The following SLC15A1 variants were observed in gnomAD, a reference collection of about 807,000 sequenced individuals.
SLC15A1 encodes the protein Caco-2 oligopeptide transporter.
SLC15A1 carries 83 observed loss-of-function variants against 92.9 expected under a neutral mutation model. The observed-to-expected ratio is 0.89, with a 90% confidence interval of 0.75 to 1.07. SLC15A1 has a LOEUF of 1.07. SLC15A1 is among the 50% of genes least tolerant of loss of function. The pLI, the probability that SLC15A1 is intolerant of heterozygous loss-of-function variation, is 0.00. For synonymous variants in SLC15A1, 322 were observed against 318.2 expected (o/e 1.01, Z -0.13); for missense variants, 857 against 880.1 (o/e 0.97, Z 0.33).
At chr13:98,717,346 C>A (rs2088218267) in intron 8 of SLC15A1, among the ~76,000 whole-genome samples, 1 of 152,126 alleles carries the variant, frequency 6.6e-6, no homozygotes, top group South Asian at 2.1e-4. Context: ...TTTTCTTTTA[C>A]CACTAATATT....
At chr13:98,686,341 T>A (rs1357263659) in intron 21 of SLC15A1, 44 bp from the exon 22 acceptor site, 4 of 1,366,638 alleles carry the variant, frequency 2.9e-6, no homozygotes, top group Non-Finnish European at 4.1e-6. Context: ...GGTCTCACCC[T>A]CCGAGCAGGA....
At chr13:98,722,643 T>C (rs1379978537) in intron 5 of SLC15A1, among the ~76,000 whole-genome samples, 1 of 152,194 alleles carries the variant, frequency 6.6e-6, no homozygotes, top group Non-Finnish European at 1.5e-5. Flanking sequence ...ACAGATAAAG[T>C]CAAGGAAAAT....
At chr13:98,730,699 C>A (rs890002084) in intron 1 of SLC15A1, among the ~76,000 whole-genome samples, 10 of 152,248 alleles carry the variant, frequency 6.6e-5, no homozygotes, top group Non-Finnish European at 1.2e-4. Context: ...GGGTCCTCAG[C>A]GCCTCCGCGC....
chr13:98,695,184 A>G (rs1013874120), intron 18 of SLC15A1, among the ~76,000 whole-genome samples: 3 of 152,240 alleles, frequency 2.0e-5, no homozygotes, highest in African/African-American at 4.8e-5. Flanking sequence ...GTTTATAGAC[A>G]TATACATACG....
chr13:98,718,066 T>A (rs1419512700), intron 8 of SLC15A1, among the ~76,000 whole-genome samples: 1 of 151,874 alleles, frequency 6.6e-6, no homozygotes, highest in Non-Finnish European at 1.5e-5. Flanking sequence ...GAGGTGATAC[T>A]AGTTTGGTGC....
intron 1 of SLC15A1, among the ~76,000 whole-genome samples, chr13:98,747,295 C>A (rs571472726): frequency 1.3e-5 from 2 of 152,120 alleles, no homozygotes; most frequent in African/African-American, 2.4e-5. Context: ...ATTTCCTTAT[C>A]GGCTCACCTG....
intron 4 of SLC15A1, among the ~76,000 whole-genome samples, chr13:98,725,862 G>A (rs1566454325): frequency 6.6e-6 from 1 of 152,072 alleles, no homozygotes; most frequent in East Asian, 1.9e-4. Context: ...GCTAGCTGGG[G>A]CCACAGGTGT....
chr13:98,750,619 G>A (rs1019493471), intron 1 of SLC15A1, among the ~76,000 whole-genome samples: 1 of 152,136 alleles, frequency 6.6e-6, no homozygotes, highest in African/African-American at 2.4e-5. Flanking sequence ...CAAAGTCAGA[G>A]GCAGGAGGTA....
chr13:98,693,087 G>GTTT lies in SLC15A1; in HGVS notation c.1467-4513_1467-4511dup, dbSNP rs55817470. On this transcript the variant is annotated intron_variant, in intron 18 of 22. Transcript: ENST00000376503. ...CTTAACAACACTTGTTATTGTCTAC[G>GTTT]TTTTTTTTTTTTTTTTTTTTTTTTT... 4.0e-4 allele frequency among the ~76,000 whole-genome samples: 23 copies of GTTT among 58,046 alleles called. 4 individuals carry two copies. Among genetic ancestry groups the GTTT allele is most frequent in the African/African-American group, 1.4e-3 (19 of 13,526 alleles). The allele number at this position is 58,046 out of a possible 152,430, so 38.1% of individuals were successfully genotyped here.
chr13:98,695,046 T>C (rs111724446), intron 18 of SLC15A1, among the ~76,000 whole-genome samples: 2,753 of 141,702 alleles, frequency 0.019, 40 homozygotes, highest in Middle Eastern at 0.061. Context: ...AAAAAAGAGA[T>C]GCATATATCA....
chr13:98,709,785 A>C lies in SLC15A1; in HGVS notation c.946-11T>G, dbSNP rs766406468. ...AATTTCAAGAGCTCCCTAAAAAGAGAGGAAAACAATCTCAGTGAAAAATGT... is the reference window on the plus strand; with the variant it reads ...AATTTCAAGAGCTCCCTAAAAAGAGCGGAAAACAATCTCAGTGAAAAATGT... On this transcript the variant is annotated splice_polypyrimidine_tract_variant and intron_variant, in intron 12 of 22. Coordinates refer to ENST00000376503, the MANE Select transcript of SLC15A1 (RefSeq NM_005073.4). 1.2e-5 allele frequency: 19 copies of C among 1,614,210 alleles called. No homozygotes were observed. The highest frequency in any genetic ancestry group is 1.6e-5 in the Non-Finnish European group (19 of 1,180,040).
intron 1 of SLC15A1, among the ~76,000 whole-genome samples, chr13:98,728,372 T>G (rs2088319626): frequency 6.6e-6 from 1 of 152,210 alleles, no homozygotes; most frequent in South Asian, 2.1e-4. Flanking sequence ...TTTTTTCTAT[T>G]TCTATGAAAG....
rs532286337 is a variant in SLC15A1 at position 98,718,300 on chromosome 13, C to CTT, written c.640+935_640+936dup. Among the ~76,000 whole-genome samples the CTT allele has an allele frequency of 1.1e-3, 93 of 84,126 alleles. 9 individuals carry two copies. Among genetic ancestry groups the CTT allele is most frequent in the East Asian group, 5.5e-3 (8 of 1,450 alleles). 55.2% of individuals were successfully genotyped at this position (84,126 alleles called of 152,430 possible). ...ATCCAGCAGATTCTATCACCTTCAT[C>CTT]TTTTTTTTTTTTTTTTTTTTTTTTT... On this transcript the variant is annotated intron_variant, in intron 8 of 22. Transcript: ENST00000376503.
At chr13:98,711,136 A>G (rs1201651639) in intron 11 of SLC15A1, among the ~76,000 whole-genome samples, 2 of 152,118 alleles carry the variant, frequency 1.3e-5, no homozygotes, top group African/African-American at 2.4e-5. Context: ...CCCTATCACC[A>G]TCCTCCCTGC....
intron 10 of SLC15A1, among the ~76,000 whole-genome samples, 168 bp downstream of exon 10, chr13:98,712,330 T>C (rs1403882460): frequency 6.6e-6 from 1 of 151,668 alleles, no homozygotes; most frequent in Non-Finnish European, 1.5e-5. Flanking sequence ...ATTTATCAAG[T>C]TCTTTCAATT....
At chr13:98,714,059 G>GA (rs56096468) in intron 9 of SLC15A1, among the ~76,000 whole-genome samples, 63,193 of 134,178 alleles carry the variant, frequency 0.47, 15,263 homozygotes, top group Non-Finnish European at 0.59. Flanking sequence ...TCTCAAAAAG[G>GA]AAAAAAAAAA....
At chr13:98,731,888 G>A (rs1331913699) in intron 1 of SLC15A1, among the ~76,000 whole-genome samples, 1 of 152,148 alleles carries the variant, frequency 6.6e-6, no homozygotes, top group African/African-American at 2.4e-5. Flanking sequence ...GTGTAAATCT[G>A]AGACTCAGTA....
chr13:98,744,554 G>A (rs1347923534), intron 1 of SLC15A1, among the ~76,000 whole-genome samples: 1 of 151,646 alleles, frequency 6.6e-6, no homozygotes, highest in Non-Finnish European at 1.5e-5. Context: ...ATCAAGATCA[G>A]CCTGGCCAAG....
chr13:98,720,237 T>C (rs945980869), intron 7 of SLC15A1, among the ~76,000 whole-genome samples: 2 of 152,254 alleles, frequency 1.3e-5, no homozygotes, highest in African/African-American at 2.4e-5. Context: ...AACTGATTAA[T>C]TATCAACTAA....
Sources: gnomAD v4.1 joint callset for allele counts (sites outside exome capture counted in the v4.1 genomes callset) on GRCh38, gnomAD v4.1.1 for gene constraint, MANE v1.5 for transcripts, NCBI Gene and HGNC (gene_info 2026-07-23, HGNC 2026-07-21) for gene names.